Variants in CNKSR2 observed in about 807,000 individuals in gnomAD.
CNKSR2 encodes the protein CNK homolog protein 2.
CNKSR2 carries 14 observed loss-of-function variants against 84.4 expected under a neutral mutation model. That is an observed-to-expected ratio of 0.17 (90% CI 0.11 to 0.26). The LOEUF (loss-of-function observed/expected upper bound fraction) is 0.26. Ranked by LOEUF, CNKSR2 falls within the 10% of genes least tolerant of loss-of-function variation. The probability of loss-of-function intolerance (pLI) is 1.00; values close to 1 mark genes in which losing one functional copy is unlikely to be tolerated. For missense variants in CNKSR2, 485 were observed against 771.2 expected (o/e 0.63, Z 4.40); for synonymous variants, 275 against 277.9 (o/e 0.99, Z 0.10).
intron 16 of CNKSR2, 49 bp downstream of exon 16, chrX:21,595,096 T>A (rs769932546): frequency 2.1e-5 from 20 of 960,527 alleles, no homozygotes; most frequent in Non-Finnish European, 1.3e-5. Flanking sequence ...TTTTTTTTAA[T>A]TTCCAGCTTT....
In CNKSR2 at chrX:21,609,435, G is replaced by A. The variant is rs2092537901; in HGVS notation, c.2510G>A (p.Gly837Glu). ...AESERMQVLN[G>E]NGGKPRSFTL... ...AGTGAGAGGATGCAAGTGCTAAATG[G>A]AAATGGGGGCAAGCCTCGAAGTTTT... Residue 837 changes from glycine to glutamate, a missense_variant, in exon 20 of 22, where the codon GGA becomes GAA. Gly to Glu is a moderately conservative substitution (Grantham distance 98). This residue lies in a region of CNKSR2 where 210 missense variants were observed against 291.5 expected (regional missense o/e 0.72). Coordinates refer to ENST00000379510, the MANE Select transcript of CNKSR2 (RefSeq NM_014927.5). 1 of 1,208,985 alleles carries A rather than the reference G, an allele frequency of 8.3e-7. No homozygotes were observed. Among genetic ancestry groups the A allele is most frequent in the African/African-American group, 1.8e-5 (1 of 56,825 alleles).
intron 13 of CNKSR2, among the ~76,000 whole-genome samples, chrX:21,570,620 C>T (rs1341868945): frequency 3.6e-5 from 4 of 112,139 alleles, no homozygotes. Context: ...TAAGCTTAAT[C>T]ATTTCTAGCT....
At chrX:21,427,963 T>C (rs980982682) in intron 2 of CNKSR2, 7 of 112,154 alleles carry the variant, frequency 6.2e-5, no homozygotes, top group Non-Finnish European at 1.1e-4. Context: ...AGAAATATCA[T>C]GTGTAAAGAC....
chrX:21,574,538 G>A (rs1437648097), intron 13 of CNKSR2, among the ~76,000 whole-genome samples: 2 of 111,683 alleles, frequency 1.8e-5, no homozygotes, highest in East Asian at 5.6e-4. Context: ...GAGTGAAGGG[G>A]AGGGGAAAGC....
At chrX:21,382,750 A>G (rs980539659) in intron 1 of CNKSR2, among the ~76,000 whole-genome samples, 6 of 111,733 alleles carry the variant, frequency 5.4e-5, no homozygotes, top group African/African-American at 1.9e-4. Context: ...TAGGAATACA[A>G]TTAAGGTATT....
intron 13 of CNKSR2, among the ~76,000 whole-genome samples, chrX:21,590,319 C>G (rs192264730): frequency 8.9e-6 from 1 of 111,899 alleles, no homozygotes; most frequent in East Asian, 2.8e-4. Context: ...TTTAGTTTTA[C>G]CAAATGCTTT....
At chrX:21,628,687 G>A (rs931149688) in intron 20 of CNKSR2, among the ~76,000 whole-genome samples, 2 of 111,176 alleles carry the variant, frequency 1.8e-5, no homozygotes, top group Admixed American at 9.5e-5. Context: ...CTGGGACACA[G>A]GGCGCCACAC....
intron 11 of CNKSR2, among the ~76,000 whole-genome samples, chrX:21,539,862 T>G (rs1030521947): frequency 2.7e-5 from 3 of 112,019 alleles, no homozygotes; most frequent in Non-Finnish European, 5.6e-5. Context: ...TCACTGGAGA[T>G]TCCTCAGTAC....
At chrX:21,560,240 C>T (rs766421785) in intron 11 of CNKSR2, among the ~76,000 whole-genome samples, 6 of 110,843 alleles carry the variant, frequency 5.4e-5, no homozygotes, top group Non-Finnish European at 9.5e-5. Context: ...AAGCATATGA[C>T]GACAGGAATG....
chrX:21,615,705 G>C (rs2090749011), intron 20 of CNKSR2, among the ~76,000 whole-genome samples: 1 of 111,253 alleles, frequency 9.0e-6, no homozygotes, highest in Non-Finnish European at 1.9e-5. Context: ...ATTTTATGTA[G>C]ATTTGTATTA....
At chrX:21,595,475 T>G (rs2092446452) in intron 17 of CNKSR2, 80 bp downstream of exon 17, 2 of 559,840 alleles carry the variant, frequency 3.6e-6, no homozygotes, top group Admixed American at 3.4e-5. Flanking sequence ...GAGAATAATG[T>G]CACTGAAGTT....
At chrX:21,590,464 A>G (rs2092413640) in intron 13 of CNKSR2, 108 bp from the exon 14 acceptor site, 2 of 653,911 alleles carry the variant, frequency 3.1e-6, no homozygotes, top group Non-Finnish European at 4.5e-6. Flanking sequence ...TTCTTCCCCT[A>G]ACAGTGTTTA....
At chrX:21,536,246 T>A (rs904927591) in intron 11 of CNKSR2, among the ~76,000 whole-genome samples, 1 of 111,465 alleles carries the variant, frequency 9.0e-6, no homozygotes, top group Non-Finnish European at 1.9e-5. Flanking sequence ...TTATGTATTG[T>A]TAGATTTTAT....
At chrX:21,598,840 T>C (rs2092464610) in intron 17 of CNKSR2, among the ~76,000 whole-genome samples, 1 of 112,867 alleles carries the variant, frequency 8.9e-6, no homozygotes, top group African/African-American at 3.2e-5. Context: ...ATATAGCTGT[T>C]AATAAATGTT....
intron 4 of CNKSR2, chrX:21,441,293 C>T (rs1204979884): frequency 9.0e-6 from 1 of 110,800 alleles, no homozygotes; most frequent in African/African-American, 3.3e-5. Context: ...TCTTTTTCTA[C>T]TGTTATGTGA....
At chrX:21,650,586 A>C (rs1001254375) in intron 21 of CNKSR2, among the ~76,000 whole-genome samples, 1 of 111,443 alleles carries the variant, frequency 9.0e-6, no homozygotes, top group South Asian at 3.8e-4. Flanking sequence ...AAAAAAAAAA[A>C]GAACTATCAT....
At chrX:21,543,390 CTTAT>C (rs1248985144) in intron 11 of CNKSR2, among the ~76,000 whole-genome samples, 1 of 112,362 alleles carries the variant, frequency 8.9e-6, no homozygotes, top group Non-Finnish European at 1.9e-5. Context: ...TTCCTTTAGA[CTTAT>C]TTAATAAAGT....
At chrX:21,560,252 G>A (rs1318998435) in intron 11 of CNKSR2, among the ~76,000 whole-genome samples, 1 of 111,189 alleles carries the variant, frequency 9.0e-6, no homozygotes, top group Admixed American at 9.6e-5. Context: ...ACAGGAATGA[G>A]TGTGAGAGAG....
chrX:21,544,826 G>A (rs906799025), intron 11 of CNKSR2, among the ~76,000 whole-genome samples: 1 of 111,248 alleles, frequency 9.0e-6, no homozygotes, highest in African/African-American at 3.3e-5. Flanking sequence ...AGCCATGAGG[G>A]ACTATGCCAT....
Sources: allele counts gnomAD v4.1 joint callset (sites outside exome capture counted in the v4.1 genomes callset), GRCh38; gene constraint gnomAD v4.1.1; regional missense constraint gnomAD v4.1.1; transcripts MANE v1.5; gene names NCBI Gene and HGNC (gene_info 2026-07-23, HGNC 2026-07-21).